ZNF438: variants seen among roughly 807,000 people sequenced by gnomAD.
ZNF438 encodes the protein zinc finger protein 438.
Under a neutral mutation model 38.0 loss-of-function variants are expected in ZNF438, and 25 were observed. The observed-to-expected ratio is 0.66, with a 90% CI of 0.48 to 0.92. The LOEUF is 0.92. Ranked by LOEUF, ZNF438 falls within the 40% of genes least tolerant of loss-of-function variation. ZNF438 has a pLI of 0.00. For missense variants in ZNF438, 1,007 were observed against 999.6 expected, an observed-to-expected ratio of 1.01 and a Z score of -0.10; for synonymous variants, 372 against 364.1, an observed-to-expected ratio of 1.02 and a Z score of -0.25.
chr10:30,968,833 G>C (rs2136186808), intron 1 of ZNF438, among the ~76,000 whole-genome samples: 1 of 152,258 alleles, frequency 6.6e-6, no homozygotes, highest in South Asian at 2.1e-4. Flanking sequence ...TGACCATACA[G>C]ATCTTAGATA....
intron 3 of ZNF438, among the ~76,000 whole-genome samples, chr10:30,897,805 G>A (rs920556783): frequency 1.3e-5 from 2 of 152,160 alleles, no homozygotes; most frequent in African/African-American, 4.8e-5. Flanking sequence ...CAGTGCTCTG[G>A]GGCACACAGG....
chr10:30,940,056 GAGA>G (rs1166017928), intron 2 of ZNF438, among the ~76,000 whole-genome samples: 1 of 152,196 alleles, frequency 6.6e-6, no homozygotes. Context: ...ATTTTCCTAG[GAGA>G]AGATGGCAAC....
intron 3 of ZNF438, among the ~76,000 whole-genome samples, chr10:30,881,323 T>A (rs772713211): frequency 6.6e-6 from 1 of 152,128 alleles, no homozygotes; most frequent in Non-Finnish European, 1.5e-5. Flanking sequence ...TAAATTATAT[T>A]TTTGTATCCT....
At chr10:30,874,114 G>GTATATATATA (rs58422289) in intron 4 of ZNF438, among the ~76,000 whole-genome samples, 39 of 80,226 alleles carry the variant, frequency 4.9e-4, no homozygotes, top group African/African-American at 4.8e-4. Flanking sequence ...GTGTGTGTGT[G>GTATATATATA]TATATATATA....
chr10:30,856,608 A>T (rs1276576783), intron 4 of ZNF438, among the ~76,000 whole-genome samples: 1 of 152,190 alleles, frequency 6.6e-6, no homozygotes, highest in African/African-American at 2.4e-5. Context: ...CAGATCTTAC[A>T]GAACTGTGCA....
chr10:30,900,858 A>C (rs773062524), intron 3 of ZNF438, among the ~76,000 whole-genome samples: 8 of 152,266 alleles, frequency 5.3e-5, no homozygotes, highest in Non-Finnish European at 1.5e-5. Context: ...CTTGATTCAA[A>C]TAGATGCAAG....
rs893005429 is a variant in ZNF438, at chr10:30,948,688, G to A, written c.-191-7037C>T. On this transcript the variant is annotated intron_variant, in intron 1 of 5. Coordinates refer to ENST00000413025, the Ensembl canonical transcript of ZNF438. ...AAATGAATGAAATGAAGCGAGAAGG[G>A]AAGTTTAGACAAAAAAGAATAAAAA... is the stretch of plus-strand genomic sequence containing the variant. 1.3e-4 allele frequency among the ~76,000 whole-genome samples: 19 copies of A among 151,398 alleles called. 1 individual carries two copies. In the East Asian group the frequency reaches 2.7e-3, roughly 21 times the overall value.
At chr10:30,891,194 C>T (rs2040641384) in intron 3 of ZNF438, among the ~76,000 whole-genome samples, 1 of 152,108 alleles carries the variant, frequency 6.6e-6, no homozygotes, top group Admixed American at 6.5e-5. Flanking sequence ...AATTATTTTT[C>T]TAAGATTTCC....
rs144122624 is a variant in ZNF438 at position 30,902,821 on chromosome 10, C to T, written c.-32+6112G>A. Reference sequence around the variant, plus strand: ...CGCAGTGTGCCCGCACTCCTCAGCCCTTGGGTGGTAGATGGGACCAGGCGC... The same window carrying T: ...CGCAGTGTGCCCGCACTCCTCAGCCTTTGGGTGGTAGATGGGACCAGGCGC... On this transcript the variant is annotated intron_variant, in intron 3 of 5. Transcript: ENST00000413025. Among the ~76,000 whole-genome samples, 1,427 of 152,340 alleles carry T rather than the reference C, an allele frequency of 9.4e-3. 21 individuals are homozygous for T. Among genetic ancestry groups the T allele is most frequent in the African/African-American group, 0.032 (1,323 of 41,572 alleles).
intron 4 of ZNF438, among the ~76,000 whole-genome samples, chr10:30,865,354 C>T (rs2133271823): frequency 6.6e-6 from 1 of 152,314 alleles, no homozygotes; most frequent in Middle Eastern, 3.4e-3. Context: ...CCAAATCAGG[C>T]TCACACCAGA....
At chr10:30,900,355 T>C (rs929848623) in intron 3 of ZNF438, among the ~76,000 whole-genome samples, 1 of 152,170 alleles carries the variant, frequency 6.6e-6, no homozygotes, top group Admixed American at 6.5e-5. Context: ...TACCACTTAC[T>C]AGCTATGTAA....
intron 3 of ZNF438, among the ~76,000 whole-genome samples, chr10:30,881,224 A>G (rs1327737804): frequency 6.6e-6 from 1 of 152,214 alleles, no homozygotes; most frequent in Non-Finnish European, 1.5e-5. Flanking sequence ...ATGATTGTCT[A>G]ATTAGAAAAT....
intron 2 of ZNF438, among the ~76,000 whole-genome samples, chr10:30,936,346 T>C (rs1229919639): frequency 6.6e-6 from 1 of 152,186 alleles, no homozygotes; most frequent in Non-Finnish European, 1.5e-5. Flanking sequence ...TGGTTAAGCA[T>C]TTGGGTGATT....
At chr10:30,981,683 C>G (rs2052169457) in intron 1 of ZNF438, among the ~76,000 whole-genome samples, 1 of 152,100 alleles carries the variant, frequency 6.6e-6, no homozygotes, top group African/African-American at 2.4e-5. Flanking sequence ...CGAGACCAGC[C>G]TGACCAACAT....
intron 1 of ZNF438, among the ~76,000 whole-genome samples, chr10:31,025,324 T>A (rs2056872470): frequency 1.3e-5 from 2 of 152,228 alleles, no homozygotes; most frequent in Non-Finnish European, 1.5e-5. Flanking sequence ...AGTGACATGC[T>A]ATAATGGCCT....
At position 30,846,018 on chromosome 10, in the gene ZNF438, T is replaced by C. The variant is rs1265658810; in HGVS notation, c.1875-445A>G. Among the ~76,000 whole-genome samples, 10 of 152,216 alleles carry C rather than the reference T, an allele frequency of 6.6e-5. 1 individual carries two copies. Among genetic ancestry groups the C allele is most frequent in the Admixed American group, 6.5e-4 (10 of 15,288 alleles). ...TATTCAATTTTGGCTCACTCTGTCA[T>C]GTTCAGTAAAAATAAAGGGTGCCTA... On this transcript the variant is annotated intron_variant, in intron 5 of 5. Coordinates refer to ENST00000413025, the Ensembl canonical transcript of ZNF438.
chr10:30,942,962 T>G (rs1038901905), intron 1 of ZNF438, among the ~76,000 whole-genome samples: 2 of 152,202 alleles, frequency 1.3e-5, no homozygotes, highest in African/African-American at 4.8e-5. Flanking sequence ...TAGTGACCTT[T>G]GGAATACGTT....
intron 1 of ZNF438, among the ~76,000 whole-genome samples, chr10:30,998,931 A>ATT (rs1459650559): frequency 6.6e-6 from 1 of 152,208 alleles, no homozygotes; most frequent in Admixed American, 6.5e-5. Flanking sequence ...GGTCAAGAAA[A>ATT]TAAAACAACA....
intron 1 of ZNF438, among the ~76,000 whole-genome samples, chr10:30,946,285 C>G (rs1203044220): frequency 1.3e-5 from 2 of 152,096 alleles, no homozygotes; most frequent in Non-Finnish European, 2.9e-5. Flanking sequence ...TAGGCATGGG[C>G]AAGGACTTCA....
Sources: allele counts gnomAD v4.1 joint callset (sites outside exome capture counted in the v4.1 genomes callset), GRCh38; gene constraint gnomAD v4.1.1; transcripts MANE v1.5; gene names NCBI Gene and HGNC (gene_info 2026-07-23, HGNC 2026-07-21).